The following FHIT variants were observed in gnomAD, a reference collection of about 807,000 sequenced individuals.
The protein encoded by FHIT is fragile histidine triad diadenosine triphosphatase.
Under a neutral mutation model 17.9 loss-of-function variants are expected in FHIT, and 19 were observed. That is an observed-to-expected ratio of 1.06 (90% CI 0.74 to 1.56). FHIT has a LOEUF of 1.56. Ranked by LOEUF, FHIT falls within the 40% of genes most tolerant of loss-of-function variation. The probability of loss-of-function intolerance (pLI) is 0.00; values close to 1 mark genes in which losing one functional copy is unlikely to be tolerated. For synonymous variants in FHIT, 81 were observed against 69.7 expected, an observed-to-expected ratio of 1.16 and a Z score of -0.81; for missense variants, 248 against 189.2, an observed-to-expected ratio of 1.31 and a Z score of -1.82.
At chr3:60,970,844 A>C in intron 3 of FHIT, among the ~76,000 whole-genome samples, 1 of 152,194 alleles carries the variant, frequency 6.6e-6, no homozygotes, top group East Asian at 1.9e-4. Context: ...AAATAGACTT[A>C]ATAATCTAAT....
At chr3:59,976,658 C>T (rs1226736598) in intron 7 of FHIT, among the ~76,000 whole-genome samples, 2 of 152,108 alleles carry the variant, frequency 1.3e-5, no homozygotes, top group African/African-American at 4.8e-5. Context: ...ACATTTGATG[C>T]TTGAAATCTA....
At chr3:60,509,475 A>G (rs1358393320) in intron 5 of FHIT, among the ~76,000 whole-genome samples, 1 of 152,240 alleles carries the variant, frequency 6.6e-6, no homozygotes, top group East Asian at 1.9e-4. Context: ...GTTAGACTGA[A>G]TCCACATTCA....
intron 5 of FHIT, among the ~76,000 whole-genome samples, chr3:60,071,721 A>G (rs1559604895): frequency 2.0e-5 from 3 of 152,298 alleles, no homozygotes; most frequent in East Asian, 3.9e-4. Flanking sequence ...CAGTGATAAT[A>G]AAATGTCCCC....
chr3:59,915,632 T>G (rs1165888330), intron 8 of FHIT, among the ~76,000 whole-genome samples: 1 of 152,206 alleles, frequency 6.6e-6, no homozygotes, highest in Non-Finnish European at 1.5e-5. Flanking sequence ...CTTCTCAACA[T>G]TCCTCATTTG....
intron 7 of FHIT, among the ~76,000 whole-genome samples, chr3:59,952,627 A>G (rs1045965659): frequency 6.6e-6 from 1 of 152,206 alleles, no homozygotes; most frequent in African/African-American, 2.4e-5. Flanking sequence ...TAGGGTATTA[A>G]GCTCTGAAGT....
At chr3:59,943,387 G>A (rs929873775) in intron 7 of FHIT, among the ~76,000 whole-genome samples, 1 of 152,072 alleles carries the variant, frequency 6.6e-6, no homozygotes, top group Non-Finnish European at 1.5e-5. Flanking sequence ...AATTGGAGGA[G>A]GATTATACCT....
intron 5 of FHIT, among the ~76,000 whole-genome samples, chr3:60,169,469 T>C (rs577932643): frequency 1.7e-4 from 26 of 152,328 alleles, no homozygotes; most frequent in Non-Finnish European, 3.8e-4. Flanking sequence ...ATGAAAACAT[T>C]AAAAACCATC....
At chr3:60,308,467 C>T in intron 5 of FHIT, among the ~76,000 whole-genome samples, 1 of 142,176 alleles carries the variant, frequency 7.0e-6, no homozygotes, top group Non-Finnish European at 1.5e-5. Context: ...TACCAAATTG[C>T]ACGTATAGGT....
rs563992117 is a variant in FHIT at position 60,534,439 on chromosome 3, C to CAA, written c.103+2419_103+2420dup. On this transcript the variant is annotated intron_variant, in intron 5 of 9. Transcript: ENST00000492590. ...TGGGCGACAGAGCGAGACTCCGTCT[C>CAA]AAAAAAAAAAAAAAAAAAAAAAAAG... 9.6e-4 allele frequency among the ~76,000 whole-genome samples: 31 copies of CAA among 32,402 alleles called. 5 individuals carry two copies. Among genetic ancestry groups the CAA allele is most frequent in the South Asian group, 4.4e-3 (2 of 450 alleles). The allele number at this position is 32,402 out of a possible 152,430, so 21.3% of individuals were successfully genotyped here.
At chr3:60,018,049 G>A (rs969868611) in intron 5 of FHIT, among the ~76,000 whole-genome samples, 1 of 152,202 alleles carries the variant, frequency 6.6e-6, no homozygotes, top group East Asian at 1.9e-4. Flanking sequence ...AAAGAAAAGA[G>A]GTTTATCTGG....
At chr3:60,459,407 A>G (rs978095240) in intron 5 of FHIT, among the ~76,000 whole-genome samples, 2 of 152,212 alleles carry the variant, frequency 1.3e-5, no homozygotes. Flanking sequence ...GAAAAATGAG[A>G]CTGCCTGAGA....
intron 3 of FHIT, among the ~76,000 whole-genome samples, chr3:60,915,507 G>A (rs1294163813): frequency 6.6e-6 from 1 of 152,172 alleles, no homozygotes; most frequent in Non-Finnish European, 1.5e-5. Context: ...TCAATAGCCA[G>A]TGGATTTGAA....
chr3:60,973,994 T>C lies in FHIT; in HGVS notation c.-111+68053A>G, dbSNP rs189355335. Among the ~76,000 whole-genome samples the C allele has an allele frequency of 1.1e-3, 171 of 152,294 alleles. 4 individuals are homozygous for C. In the South Asian group the frequency reaches 0.034, roughly 30 times the overall value. ...TGTTTATTATCCAGGGTGATGAAAA[T>C]CATTTAATAAAATATTACAGACGCT... is the stretch of plus-strand genomic sequence containing the variant. On this transcript the variant is annotated intron_variant, in intron 3 of 9. Transcript: ENST00000492590.
intron 6 of FHIT, among the ~76,000 whole-genome samples, chr3:60,013,623 G>A (rs975905980): frequency 1.3e-5 from 2 of 152,172 alleles, no homozygotes; most frequent in Non-Finnish European, 2.9e-5. Context: ...CCCAACCTAA[G>A]CTGCATATCA....
intron 2 of FHIT, among the ~76,000 whole-genome samples, chr3:61,159,515 C>A (rs2037627904): frequency 6.6e-6 from 1 of 152,206 alleles, no homozygotes; most frequent in South Asian, 2.1e-4. Flanking sequence ...GTCTTCACAT[C>A]CCCTTCCCCT....
intron 2 of FHIT, among the ~76,000 whole-genome samples, chr3:61,176,732 A>G (rs2038167312): frequency 6.6e-6 from 1 of 152,196 alleles, no homozygotes; most frequent in Non-Finnish European, 1.5e-5. Flanking sequence ...GACAGAGAAG[A>G]ACTGACATGA....
intron 3 of FHIT, among the ~76,000 whole-genome samples, chr3:61,012,767 G>A (rs1236632035): frequency 6.6e-6 from 1 of 151,392 alleles, no homozygotes; most frequent in Non-Finnish European, 1.5e-5. Context: ...AGTGATAAAA[G>A]CTCAATCCAG....
chr3:60,408,850 C>CA (rs1284166316), intron 5 of FHIT, among the ~76,000 whole-genome samples: 10 of 151,872 alleles, frequency 6.6e-5, no homozygotes, highest in African/African-American at 2.2e-4. Context: ...TTTTTAAAAA[C>CA]AAAAAACAAA....
intron 3 of FHIT, among the ~76,000 whole-genome samples, chr3:60,900,069 G>T (rs1706033710): frequency 6.6e-6 from 1 of 152,144 alleles, no homozygotes; most frequent in South Asian, 2.1e-4. Context: ...AGAAAGAGTT[G>T]GGGGCAGCTT....
Sources: allele counts gnomAD v4.1 joint callset (sites outside exome capture counted in the v4.1 genomes callset), GRCh38; gene constraint gnomAD v4.1.1; transcripts MANE v1.5; gene names NCBI Gene and HGNC (gene_info 2026-07-23, HGNC 2026-07-21).